Variants in CNTN4 observed in about 807,000 individuals in gnomAD.
CNTN4 encodes the protein contactin-4.
Under a neutral mutation model 122.5 loss-of-function variants are expected in CNTN4, and 77 were observed. That is an observed-to-expected ratio of 0.63 (90% CI 0.52 to 0.76). The LOEUF is 0.76. CNTN4 is among the 30% of genes least tolerant of loss of function. The pLI, the probability that CNTN4 is intolerant of heterozygous loss-of-function variation, is 0.00. For missense variants in CNTN4, 1,256 were observed against 1,259.1 expected, an observed-to-expected ratio of 1.00 and a Z score of 0.04; for synonymous variants, 512 against 447.0, an observed-to-expected ratio of 1.15 and a Z score of -1.83.
intron 4 of CNTN4, among the ~76,000 whole-genome samples, chr3:2,661,756 G>A (rs2083906294): frequency 7.4e-6 from 1 of 134,870 alleles, no homozygotes; most frequent in East Asian, 2.3e-4. Context: ...AGGTTGCGGT[G>A]AACCGAGACG....
At chr3:2,247,998 A>G (rs1447159408) in intron 2 of CNTN4, among the ~76,000 whole-genome samples, 1 of 151,862 alleles carries the variant, frequency 6.6e-6, no homozygotes, top group Non-Finnish European at 1.5e-5. Context: ...GCAGTCTCTC[A>G]TTCCTCCATG....
At chr3:2,714,588 C>CCCCAAAGA (rs1485129474) in intron 4 of CNTN4, among the ~76,000 whole-genome samples, 47 of 152,154 alleles carry the variant, frequency 3.1e-4, no homozygotes, top group African/African-American at 1.1e-3. Context: ...AAGTACTCAG[C>CCCCAAAGA]CCCAAAGACA....
At chr3:2,744,083 G>A (rs569377405) in intron 5 of CNTN4, among the ~76,000 whole-genome samples, 4 of 152,086 alleles carry the variant, frequency 2.6e-5, no homozygotes, top group African/African-American at 7.2e-5. Context: ...CCGAAGTGCC[G>A]AGATTACAGG....
intron 3 of CNTN4, among the ~76,000 whole-genome samples, chr3:2,495,750 C>A (rs941616754): frequency 6.6e-6 from 1 of 152,176 alleles, no homozygotes; most frequent in Non-Finnish European, 1.5e-5. Flanking sequence ...CATCTTGAAG[C>A]CATACTCCCC....
Position 3,056,412 on chromosome 3 carries a change from T to C in CNTN4, c.*192T>C. 3.5e-6 allele frequency: 2 copies of C among 570,680 alleles called. No individual in the cohort carries two copies. The highest frequency in any genetic ancestry group is 2.0e-5 in the South Asian group (1 of 50,724). 35.4% of individuals were successfully genotyped at this position (570,680 alleles called of 1,614,324 possible). On this transcript the variant is annotated 3_prime_UTR_variant, in exon 25 of 25. Transcript: ENST00000418658. The stretch of plus-strand genomic sequence containing the variant: ...CAAATCTAGCTTTGTCTGAAGTTTC[T>C]TTGGAAACTCTGCAATGCACTGAAG...
intron 4 of CNTN4, among the ~76,000 whole-genome samples, chr3:2,690,334 C>G (rs1402637768): frequency 6.6e-6 from 1 of 152,046 alleles, no homozygotes; most frequent in African/African-American, 2.4e-5. Context: ...AGTAAAGTCC[C>G]AAGTGTGTTC....
chr3:2,619,963 G>T (rs1313754939), intron 4 of CNTN4, among the ~76,000 whole-genome samples: 2 of 151,834 alleles, frequency 1.3e-5, no homozygotes, highest in Non-Finnish European at 2.9e-5. Context: ...TCTGTACCTG[G>T]TACTTTTTTC....
At chr3:2,781,809 C>G (rs539647692) in intron 6 of CNTN4, among the ~76,000 whole-genome samples, 6 of 138,826 alleles carry the variant, frequency 4.3e-5, no homozygotes, top group Admixed American at 2.8e-4. Context: ...ACTGCAACCT[C>G]CGCCTCCCGG....
chr3:2,804,510 T>C (rs2092419270), intron 6 of CNTN4, among the ~76,000 whole-genome samples: 1 of 152,224 alleles, frequency 6.6e-6, no homozygotes, highest in African/African-American at 2.4e-5. Flanking sequence ...TTATGTATTG[T>C]TAATATGTGA....
chr3:2,134,154 G>A (rs545882559), intron 2 of CNTN4, among the ~76,000 whole-genome samples: 2 of 152,276 alleles, frequency 1.3e-5, no homozygotes, highest in Admixed American at 6.5e-5. Flanking sequence ...GTCTAGAAGC[G>A]TTTGTGTCAT....
chr3:2,169,590 G>T (rs948244144), intron 2 of CNTN4, among the ~76,000 whole-genome samples: 52 of 150,786 alleles, frequency 3.4e-4, no homozygotes, highest in Non-Finnish European at 5.2e-4. Context: ...GTAGAGACGG[G>T]GTTTCACCCT....
intron 4 of CNTN4, among the ~76,000 whole-genome samples, chr3:2,612,211 G>A (rs1197848939): frequency 2.0e-5 from 3 of 151,794 alleles, no homozygotes; most frequent in Non-Finnish European, 4.4e-5. Context: ...TAAAAATATA[G>A]TAAGTCAAAA....
chr3:2,979,718 G>A (rs1018121388), intron 13 of CNTN4, among the ~76,000 whole-genome samples: 4 of 150,930 alleles, frequency 2.7e-5, no homozygotes, highest in Non-Finnish European at 4.4e-5. Context: ...TCACTTTTTT[G>A]TGTATTTTGT....
chr3:2,638,743 C>T (rs893320942), intron 4 of CNTN4, among the ~76,000 whole-genome samples: 56 of 152,280 alleles, frequency 3.7e-4, no homozygotes, highest in African/African-American at 1.3e-3. Flanking sequence ...TCCCCCAAAC[C>T]TGTGTCACCT....
In CNTN4 at chr3:2,900,770, G is replaced by A. The variant is rs369297542; in HGVS notation, c.1026G>A (p.Arg342=). 1 of 1,613,974 alleles carries A rather than the reference G, an allele frequency of 6.2e-7. No homozygotes were observed. The highest frequency in any genetic ancestry group is 1.1e-5 in the South Asian group (1 of 91,088). The change falls in exon 11 of 25, where the codon AGG becomes AGA. Residue 342 remains arginine, a synonymous_variant. Coordinates refer to ENST00000418658, the MANE Select transcript of CNTN4 (RefSeq NM_175607.3). ...NVFWECKANG[R]PKPTYKWLKN... is the part of the protein sequence containing the mutation. ...TTTGGGAATGTAAAGCAAATGGAAG[G>A]CCTAAGCCTACATACAAGTGGCTAA...
intron 6 of CNTN4, among the ~76,000 whole-genome samples, chr3:2,816,297 T>G (rs1298819054): frequency 6.7e-6 from 1 of 148,258 alleles, no homozygotes; most frequent in African/African-American, 2.6e-5. Context: ...GAGCTTGCAA[T>G]GAGCCGAGAT....
intron 12 of CNTN4, among the ~76,000 whole-genome samples, chr3:2,918,542 A>G (rs2094393819): frequency 6.6e-6 from 1 of 152,204 alleles, no homozygotes; most frequent in Admixed American, 6.5e-5. Context: ...CATTCTATGT[A>G]TCTCTTCTCA....
chr3:2,400,610 A>G (rs1048440125), intron 3 of CNTN4, among the ~76,000 whole-genome samples: 3 of 150,214 alleles, frequency 2.0e-5, no homozygotes, highest in Non-Finnish European at 4.4e-5. Context: ...CAAATCAAAT[A>G]AAAAGATGCA....
In CNTN4 at chr3:3,043,079, C is replaced by T. The variant is rs779325961; in HGVS notation, c.2614C>T (p.Leu872=). 2 of 1,614,036 alleles carry T rather than the reference C, an allele frequency of 1.2e-6. No homozygotes were observed. Among genetic ancestry groups the T allele is most frequent in the Non-Finnish European group, 1.7e-6 (2 of 1,179,990 alleles). The part of the protein sequence containing the change: ...TKITNLKGSV[L]YHLAVKAYNS... ...AATCACGAACTTAAAAGGCAGTGTGCTGTATCACTTAGCTGTCAAGGCATA... is the reference window on the plus strand; with the variant it reads ...AATCACGAACTTAAAAGGCAGTGTGTTGTATCACTTAGCTGTCAAGGCATA... Residue 872 remains leucine (L), a synonymous_variant, in exon 22 of 25, where the codon CTG becomes TTG. Transcript: ENST00000418658.
Sources: allele counts gnomAD v4.1 joint callset (sites outside exome capture counted in the v4.1 genomes callset), GRCh38; gene constraint gnomAD v4.1.1; transcripts MANE v1.5; gene names NCBI Gene and HGNC (gene_info 2026-07-23, HGNC 2026-07-21).